The following HTR2C variants were observed in gnomAD, a reference collection of about 807,000 sequenced individuals.
HTR2C encodes the protein 5-hydroxytryptamine receptor 2C.
Under a neutral mutation model 21.0 loss-of-function variants are expected in HTR2C, and 5 were observed. The ratio of observed to expected loss-of-function variants is 0.24; its 90% CI spans 0.12 to 0.50. HTR2C has a LOEUF of 0.50. Among genes scored for constraint, HTR2C ranks in the 20% least tolerant of loss-of-function variants. The pLI is 0.98. For missense variants in HTR2C, 271 were observed against 371.2 expected, an observed-to-expected ratio of 0.73 and a Z score of 2.22; for synonymous variants, 150 against 145.3, an observed-to-expected ratio of 1.03 and a Z score of -0.23.
At chrX:114,891,550 C>T (rs782638221) in intron 5 of HTR2C, among the ~76,000 whole-genome samples, 6 of 110,566 alleles carry the variant, frequency 5.4e-5, no homozygotes, top group Non-Finnish European at 7.6e-5. Flanking sequence ...TTCCTCCCAT[C>T]TTTCCCTTGT....
chrX:114,599,166 A>C (rs1427714487), intron 1 of HTR2C, among the ~76,000 whole-genome samples: 1 of 92,324 alleles, frequency 1.1e-5, no homozygotes, highest in Non-Finnish European at 2.1e-5. Flanking sequence ...AAGTTAATAC[A>C]AGTATGTGAA....
chrX:114,900,562 A>C lies in HTR2C; in HGVS notation c.551-6027A>C, dbSNP rs184975543. ...GAATGACAATGACTGCAGCATCACC[A>C]GACTTCAAGAACTCCTGTCAGCCTG... On this transcript the variant is annotated intron_variant, in intron 5 of 5. Transcript: ENST00000276198. 31 of 112,351 alleles carry C rather than the reference A, an allele frequency of 2.8e-4. No homozygotes were observed. In the East Asian group the frequency reaches 8.2e-3, roughly 30 times the overall value. The allele number at this position is 112,351 out of a possible 1,213,427, so 9.3% of individuals were successfully genotyped here.
intron 4 of HTR2C, among the ~76,000 whole-genome samples, chrX:114,805,860 A>ATATACACCATATG (rs2070413813): frequency 5.5e-5 from 5 of 90,607 alleles, no homozygotes; most frequent in African/African-American, 2.0e-4. Flanking sequence ...TATACCATAT[A>ATATACACCATATG]TATACCATAT....
intron 1 of HTR2C, among the ~76,000 whole-genome samples, chrX:114,596,635 C>T (rs781987715): frequency 1.9e-4 from 21 of 111,161 alleles, no homozygotes; most frequent in Non-Finnish European, 2.8e-4. Flanking sequence ...GGGGGGTGAT[C>T]CCAAATGGCA....
At chrX:114,643,522 G>A (rs1930217774) in intron 2 of HTR2C, among the ~76,000 whole-genome samples, 1 of 111,103 alleles carries the variant, frequency 9.0e-6, no homozygotes, top group Non-Finnish European at 1.9e-5. Context: ...AACCTGGGCA[G>A]TATGGGGATA....
intron 4 of HTR2C, among the ~76,000 whole-genome samples, chrX:114,805,835 CATATATACCAT>C (rs141753137): frequency 0.012 from 382 of 30,961 alleles, 7 homozygotes; most frequent in African/African-American, 0.017. Flanking sequence ...ATATATATAC[CATATATACCAT>C]ATATATACCA....
intron 2 of HTR2C, among the ~76,000 whole-genome samples, chrX:114,664,106 A>G (rs1931089436): frequency 8.9e-6 from 1 of 111,776 alleles, no homozygotes; most frequent in African/African-American, 3.3e-5. Context: ...TCCATCTGAC[A>G]TATACCCGTG....
chrX:114,882,188 T>C (rs1473508753), intron 5 of HTR2C, among the ~76,000 whole-genome samples: 2 of 111,036 alleles, frequency 1.8e-5, no homozygotes, highest in Non-Finnish European at 3.8e-5. Flanking sequence ...AAATTATGTA[T>C]ACTTATTTTA....
At chrX:114,609,747 T>C (rs1292772804) in intron 1 of HTR2C, among the ~76,000 whole-genome samples, 6 of 112,173 alleles carry the variant, frequency 5.3e-5, no homozygotes, top group African/African-American at 1.9e-4. Flanking sequence ...CAGTGAAAGA[T>C]GAAAATATCG....
In HTR2C at chrX:114,670,222, G is replaced by A. The variant is rs782517843; in HGVS notation, c.-80+56341G>A. 3.2e-3 allele frequency among the ~76,000 whole-genome samples: 352 copies of A among 110,840 alleles called. 2 individuals carry two copies. Among genetic ancestry groups the A allele is most frequent in the South Asian group, 8.4e-3 (22 of 2,604 alleles). On this transcript the variant is annotated intron_variant, in intron 2 of 5. Transcript: ENST00000276198. ...AGCCTGGCCAACATGGTGAAACCTC[G>A]TCTCTACTAAAAATACAAAAAAATT...
chrX:114,836,112 T>C (rs1445388663), intron 4 of HTR2C, among the ~76,000 whole-genome samples: 1 of 108,254 alleles, frequency 9.2e-6, no homozygotes, highest in Non-Finnish European at 1.9e-5. Flanking sequence ...TCTTCAAAGC[T>C]GTCAGACAGG....
In HTR2C at chrX:114,649,106, GCCC is replaced by G. The variant is rs1408414800; in HGVS notation, c.-80+35228_-80+35230del. On this transcript the variant is annotated intron_variant, in intron 2 of 5. Coordinates refer to ENST00000276198, the MANE Select transcript of HTR2C (RefSeq NM_000868.4). ...ATTCAGGCTTTATTTTCTCCCTTTTGCCCCCAATTATTTCATGTTTTAAGTATT... is the reference window on the plus strand; with the variant it reads ...ATTCAGGCTTTATTTTCTCCCTTTTGCCAATTATTTCATGTTTTAAGTATT... 3.6e-5 allele frequency among the ~76,000 whole-genome samples: 4 copies of G among 111,550 alleles called. No homozygotes were observed. The East Asian group carries it at 1.1e-3, about 32-fold the overall frequency.
intron 2 of HTR2C, among the ~76,000 whole-genome samples, chrX:114,667,477 C>T (rs900668148): frequency 7.2e-5 from 8 of 111,527 alleles, no homozygotes; most frequent in Non-Finnish European, 1.5e-4. Flanking sequence ...ATCAACTCAA[C>T]ACTCAAAGCT....
intron 5 of HTR2C, among the ~76,000 whole-genome samples, chrX:114,881,013 T>A (rs1368072252): frequency 9.0e-6 from 1 of 111,082 alleles, no homozygotes; most frequent in Non-Finnish European, 1.9e-5. Flanking sequence ...TACATCCTTG[T>A]CAATACTTGT....
intron 4 of HTR2C, among the ~76,000 whole-genome samples, chrX:114,742,976 G>A (rs1222778577): frequency 5.3e-5 from 3 of 56,938 alleles, no homozygotes; most frequent in African/African-American, 2.0e-4. Context: ...GAGAATATGC[G>A]GTGTTTGGTT....
At chrX:114,720,305 T>G (rs1167125359) in intron 2 of HTR2C, among the ~76,000 whole-genome samples, 1 of 110,902 alleles carries the variant, frequency 9.0e-6, no homozygotes, top group Non-Finnish European at 1.9e-5. Context: ...GTAGCACTGA[T>G]AGAACTGATA....
chrX:114,803,133 G>T (rs1201154660), intron 4 of HTR2C, among the ~76,000 whole-genome samples: 1 of 94,885 alleles, frequency 1.1e-5, no homozygotes, highest in Non-Finnish European at 2.1e-5. Context: ...GTCTATCATT[G>T]TTGGACATTT....
At chrX:114,836,393 G>C (rs1556463891) in intron 4 of HTR2C, among the ~76,000 whole-genome samples, 1 of 112,833 alleles carries the variant, frequency 8.9e-6, no homozygotes, top group East Asian at 2.8e-4. Flanking sequence ...ACCAGGTGCG[G>C]GATATAATCT....
chrX:114,726,516 C>G (rs1304607717), intron 2 of HTR2C, among the ~76,000 whole-genome samples: 1 of 112,673 alleles, frequency 8.9e-6, no homozygotes, highest in Non-Finnish European at 1.9e-5. Flanking sequence ...GGAGCTGTTC[C>G]TCTTCGGCCA....
Sources: gnomAD v4.1 joint callset for allele counts (sites outside exome capture counted in the v4.1 genomes callset) on GRCh38, gnomAD v4.1.1 for gene constraint, MANE v1.5 for transcripts, NCBI Gene and HGNC (gene_info 2026-07-23, HGNC 2026-07-21) for gene names.